Variants in CFAP44 observed in about 807,000 individuals in gnomAD.
CFAP44 encodes cilia and flagella associated protein 44.
CFAP44 carries 134 observed loss-of-function variants against 216.2 expected under a neutral mutation model. That is an observed-to-expected ratio of 0.62 (90% CI 0.54 to 0.72). The LOEUF (loss-of-function observed/expected upper bound fraction) is 0.72. CFAP44 is among the 30% of genes least tolerant of loss of function. The pLI, the probability that CFAP44 is intolerant of heterozygous loss-of-function variation, is 0.00. For synonymous variants in CFAP44, 700 were observed against 727.6 expected (o/e 0.96, Z 0.61); for missense variants, 2,035 against 2,182.1 (o/e 0.93, Z 1.34).
intron 22 of CFAP44, among the ~76,000 whole-genome samples, chr3:113,354,817 C>A: frequency 6.6e-6 from 1 of 152,188 alleles, no homozygotes; most frequent in East Asian, 1.9e-4. Context: ...TTGCATCCTC[C>A]CTACAGGACC....
intron 12 of CFAP44, 130 bp from the exon 13 acceptor site, chr3:113,400,130 A>T (rs1321816060): frequency 3.0e-5 from 17 of 575,896 alleles, no homozygotes; most frequent in Non-Finnish European, 2.9e-6. Flanking sequence ...TTTCTTTTGT[A>T]AAAAATTTCA....
intron 12 of CFAP44, among the ~76,000 whole-genome samples, 160 bp from the exon 13 acceptor site, chr3:113,400,160 A>T (rs1479606411): frequency 2.0e-5 from 3 of 152,190 alleles, no homozygotes; most frequent in African/African-American, 7.2e-5. Flanking sequence ...TCAAACAGGT[A>T]ATTCATAAAC....
chr3:113,436,781 T>C (rs748789684), intron 1 of CFAP44, among the ~76,000 whole-genome samples: 2 of 152,182 alleles, frequency 1.3e-5, no homozygotes, highest in Non-Finnish European at 2.9e-5. Flanking sequence ...TAAATGAAAA[T>C]TTTTCATCTG....
chr3:113,409,760 C>T (rs1934401378), intron 6 of CFAP44, among the ~76,000 whole-genome samples: 2 of 152,130 alleles, frequency 1.3e-5, no homozygotes, highest in Non-Finnish European at 2.9e-5. Flanking sequence ...GTCAAAAGAC[C>T]CAACTGATAA....
At chr3:113,344,305 T>C (rs1245365113) in intron 23 of CFAP44, among the ~76,000 whole-genome samples, 1 of 152,194 alleles carries the variant, frequency 6.6e-6, no homozygotes, top group Non-Finnish European at 1.5e-5. Context: ...ACATGGAGCA[T>C]TTCTTGGGAA....
chr3:113,330,350 T>C lies in CFAP44; in HGVS notation c.3934A>G (p.Arg1312Gly), dbSNP rs1365300170. 1 of 1,537,316 alleles carries C rather than the reference T, an allele frequency of 6.5e-7. No homozygotes were observed. Among genetic ancestry groups the C allele is most frequent in the South Asian group, 1.2e-5 (1 of 84,058 alleles). Residue 1312 changes from arginine (R) to glycine (G), a missense_variant, in exon 26 of 35, where the codon AGA (arginine) becomes GGA (glycine). Physicochemically the swap from Arg to Gly is moderately radical, Grantham distance 125. Around this residue, in one of 3 missense-constraint regions of CFAP44, gnomAD observed 1,883 missense variants for 2,023.7 expected, o/e 0.93. Transcript: ENST00000393845. The stretch of plus-strand genomic sequence containing the variant: ...CGGGTTGTCAAATCCCCATCCTTTC[T>C]AGAAGAGAGTTTGAGGAATCCTCCA... ...PVGGFLKLSS[R>G]KDGDLTTRDS...
At chr3:113,398,175 A>G (rs1192881312) in intron 13 of CFAP44, among the ~76,000 whole-genome samples, 1 of 152,222 alleles carries the variant, frequency 6.6e-6, no homozygotes, top group African/African-American at 2.4e-5. Context: ...AAAGAAGAAT[A>G]AGGCATGGTT....
chr3:113,416,459 G>A (rs1934649930), intron 6 of CFAP44, 66 bp downstream of exon 6: 2 of 1,270,922 alleles, frequency 1.6e-6, no homozygotes, highest in African/African-American at 1.5e-5. Flanking sequence ...ATGAAATAAT[G>A]TCACACCTTC....
At position 113,366,065 on chromosome 3, in the gene CFAP44, T is replaced by C. The variant is rs368604740; in HGVS notation, c.2689A>G (p.Met897Val). ...IFSEFMLRKD[M>V]KAKVPSPRFG... is the part of the protein sequence containing the mutation. The stretch of plus-strand genomic sequence containing the variant: ...CTGGGAGATGGAACTTTGGCCTTCA[T>C]GTCTTTCCTTAGCATAAATTCAGAA... The change falls in exon 19 of 35, where the codon ATG becomes GTG. Residue 897 changes from methionine to valine, a missense_variant. Met to Val is a conservative substitution (Grantham distance 21). Transcript: ENST00000393845. The C allele has an allele frequency of 3.7e-6, 6 of 1,613,242 alleles. No individual in the cohort carries two copies. Among genetic ancestry groups the C allele is most frequent in the East Asian group, 2.2e-5 (1 of 44,848 alleles).
intron 15 of CFAP44, among the ~76,000 whole-genome samples, chr3:113,389,816 AAACGTG>A (rs1933745119): frequency 6.6e-6 from 1 of 152,162 alleles, no homozygotes; most frequent in African/African-American, 2.4e-5. Flanking sequence ...AAGAAATTCA[AAACGTG>A]AACAGACCAA....
At chr3:113,357,447 C>T (rs758822442) in intron 22 of CFAP44, among the ~76,000 whole-genome samples, 2 of 152,042 alleles carry the variant, frequency 1.3e-5, no homozygotes, top group South Asian at 2.1e-4. Context: ...ACAGGGAGAA[C>T]ACTGAGTGAA....
intron 2 of CFAP44, among the ~76,000 whole-genome samples, chr3:113,429,428 T>C (rs1297441786): frequency 1.3e-5 from 2 of 152,136 alleles, no homozygotes; most frequent in African/African-American, 4.8e-5. Context: ...GGTATTAATA[T>C]AGCCACTCCA....
At chr3:113,378,906 G>T (rs1321679942) in intron 17 of CFAP44, among the ~76,000 whole-genome samples, 1 of 152,102 alleles carries the variant, frequency 6.6e-6, no homozygotes, top group Non-Finnish European at 1.5e-5. Flanking sequence ...GGATAGTACT[G>T]CCATGAAAGC....
chr3:113,400,453 C>T, intron 12 of CFAP44, 92 bp downstream of exon 12: 7 of 1,157,784 alleles, frequency 6.0e-6, no homozygotes, highest in Non-Finnish European at 8.1e-6. Context: ...GGGAAAATCC[C>T]CAAATGCTCT....
chr3:113,416,111 C>A (rs1559942317), intron 6 of CFAP44, among the ~76,000 whole-genome samples: 3 of 152,008 alleles, frequency 2.0e-5, no homozygotes, highest in Admixed American at 6.6e-5. Context: ...TTATGTAATG[C>A]CCTTGTCTTT....
At chr3:113,391,356 A>C (rs4682487) in intron 15 of CFAP44, among the ~76,000 whole-genome samples, 60,472 of 151,874 alleles carry the variant, frequency 0.4, 12,209 homozygotes, top group East Asian at 0.52. Context: ...TGGATTAAAG[A>C]CTTAAACTTA....
At chr3:113,374,771 A>G (rs1262149462) in intron 17 of CFAP44, among the ~76,000 whole-genome samples, 4 of 152,046 alleles carry the variant, frequency 2.6e-5, no homozygotes, top group African/African-American at 7.2e-5. Context: ...GGTAGCTAGG[A>G]TTGCAGGTTT....
intron 2 of CFAP44, among the ~76,000 whole-genome samples, chr3:113,433,202 G>GA (rs1216930447): frequency 3.9e-5 from 6 of 151,952 alleles, no homozygotes; most frequent in Admixed American, 2.0e-4. Flanking sequence ...GCAGAGGCAG[G>GA]TGGATCACCT....
intron 15 of CFAP44, among the ~76,000 whole-genome samples, chr3:113,383,573 TA>T (rs536945852): frequency 1.3e-5 from 2 of 152,200 alleles, no homozygotes; most frequent in South Asian, 4.2e-4. Flanking sequence ...TTATAAATTT[TA>T]AGCTGGATAT....
Sources: allele counts gnomAD v4.1 joint callset (sites outside exome capture counted in the v4.1 genomes callset), GRCh38; gene constraint gnomAD v4.1.1; regional missense constraint gnomAD v4.1.1; transcripts MANE v1.5; gene names NCBI Gene and HGNC (gene_info 2026-07-23, HGNC 2026-07-21).